RSL1D1: variants seen among roughly 807,000 people sequenced by gnomAD.
RSL1D1 encodes ribosomal L1 domain-containing protein 1.
RSL1D1 carries 34 observed loss-of-function variants against 44.6 expected under a neutral mutation model. The observed-to-expected ratio is 0.76, with a 90% confidence interval of 0.58 to 1.02. RSL1D1 has a LOEUF of 1.02. Ranked by LOEUF, RSL1D1 falls within the 50% of genes least tolerant of loss-of-function variation. The pLI, the probability that RSL1D1 is intolerant of heterozygous loss-of-function variation, is 0.00. For synonymous variants in RSL1D1, 271 were observed against 207.4 expected (o/e 1.31, Z -2.63); for missense variants, 767 against 568.1 (o/e 1.35, Z -3.56).
At chr16:11,843,083 G>T (rs1004749719) in intron 5 of RSL1D1, among the ~76,000 whole-genome samples, 2 of 150,466 alleles carry the variant, frequency 1.3e-5, no homozygotes, top group African/African-American at 4.9e-5. Flanking sequence ...CACCACGCCC[G>T]GCTAATTTTT....
chr16:11,837,522 TG>T lies in RSL1D1; in HGVS notation c.*264del, dbSNP rs1334783275. ...TCCACCACCATGCCCAATTAATTTT[TG>T]TATTTTTGGTACAGACAGGGTTTCA... On this transcript the variant is annotated 3_prime_UTR_variant, in exon 9 of 9. Transcript: ENST00000571133. The T allele has an allele frequency of 3.3e-6, 1 of 305,416 alleles. No homozygotes were observed. The highest frequency in any genetic ancestry group is 6.0e-6 in the Non-Finnish European group (1 of 165,400). The allele number at this position is 305,416 out of a possible 1,614,324, so 18.9% of individuals were successfully genotyped here.
intron 7 of RSL1D1, among the ~76,000 whole-genome samples, chr16:11,840,753 G>C (rs781545395): frequency 3.9e-5 from 6 of 152,110 alleles, no homozygotes; most frequent in Non-Finnish European, 8.8e-5. Context: ...CATAACCTCC[G>C]ACATCCAAAT....
In RSL1D1 at chr16:11,837,930, G is replaced by C. The variant is rs1246199677; in HGVS notation, c.1330C>G (p.Pro444Ala). 3.7e-6 allele frequency: 6 copies of C among 1,614,046 alleles called. No homozygotes were observed. The highest frequency in any genetic ancestry group is 1.1e-5 in the South Asian group (1 of 91,070). Residue 444 changes from proline to alanine, a missense_variant, in exon 9 of 9, where the codon CCT becomes GCT. Transcript: ENST00000571133. ...CTCGCATCTTTTTTCCCCAGCGAAG[G>C]ACTTTTTTCCTTCACTGCCTCTTCT... ...IKEEAVKEKSPSLGKKDARQT... is the reference protein window; with the variant it reads ...IKEEAVKEKSASLGKKDARQT...
chr16:11,847,644 G>C, intron 3 of RSL1D1, 24 bp downstream of exon 3: 1 of 1,583,370 alleles, frequency 6.3e-7, no homozygotes, highest in Non-Finnish European at 8.6e-7. Flanking sequence ...TAAATAACTT[G>C]AAAATATTAA....
chr16:11,843,383 A>C (rs1228417075), intron 5 of RSL1D1, among the ~76,000 whole-genome samples: 1 of 151,822 alleles, frequency 6.6e-6, no homozygotes, highest in Non-Finnish European at 1.5e-5. Context: ...GGCAGTGATT[A>C]AAGAGCTGGT....
At chr16:11,842,788 CT>C (rs1471191198) in intron 5 of RSL1D1, among the ~76,000 whole-genome samples, 1 of 147,592 alleles carries the variant, frequency 6.8e-6, no homozygotes, top group Non-Finnish European at 1.5e-5. Context: ...ATGGAGTTTG[CT>C]CTGTCGCCCA....
Position 11,839,925 on chromosome 16 carries a change from T to G in RSL1D1, c.916A>C (p.Arg306=). 1 of 1,613,340 alleles carries G rather than the reference T, an allele frequency of 6.2e-7. No individual in the cohort carries two copies. The highest frequency in any genetic ancestry group is 8.5e-7 in the Non-Finnish European group (1 of 1,179,698). ...GATGCAGTCTTCCTAGCCTGCTGCC[T>G]CTTCTTCTTCCTCTCCTTTTGTTTT... ...FEKQKERKKK[R]QQARKTASVL... is the part of the protein sequence containing the mutation. Residue 306 remains arginine, a synonymous_variant, in exon 8 of 9, where the codon AGG becomes CGG. Transcript: ENST00000571133.
intron 3 of RSL1D1, 73 bp from the exon 4 acceptor site, chr16:11,846,916 A>T (rs2053803108): frequency 7.8e-7 from 1 of 1,281,912 alleles, no homozygotes; most frequent in Admixed American, 2.0e-5. Flanking sequence ...TTAGGCAACA[A>T]TTTGGATTTG....
intron 5 of RSL1D1, among the ~76,000 whole-genome samples, chr16:11,844,639 G>A (rs919137792): frequency 1.3e-5 from 2 of 152,116 alleles, no homozygotes; most frequent in South Asian, 2.1e-4. Flanking sequence ...CACTCCCCTG[G>A]GGTCAGGCCT....
At chr16:11,843,334 G>T (rs1281756391) in intron 5 of RSL1D1, among the ~76,000 whole-genome samples, 2 of 151,838 alleles carry the variant, frequency 1.3e-5, no homozygotes, top group African/African-American at 4.8e-5. Context: ...GTCTCCCAAA[G>T]TGCTGGGATT....
chr16:11,846,189 G>C (rs919842860), intron 5 of RSL1D1, among the ~76,000 whole-genome samples: 2 of 151,448 alleles, frequency 1.3e-5, no homozygotes, highest in South Asian at 4.1e-4. Context: ...TCAGGAGATC[G>C]AGATCATCCT....
intron 2 of RSL1D1, among the ~76,000 whole-genome samples, chr16:11,849,076 G>A (rs960127538): frequency 1.1e-4 from 17 of 152,070 alleles, no homozygotes; most frequent in African/African-American, 3.9e-4. Flanking sequence ...ACCATGCCCA[G>A]CATAACATAA....
At chr16:11,845,722 CT>C (rs139021853) in intron 5 of RSL1D1, among the ~76,000 whole-genome samples, 17,304 of 146,918 alleles carry the variant, frequency 0.12, 1,246 homozygotes, top group East Asian at 0.22. Context: ...GAGAACTGAA[CT>C]TTTTTTTTTT....
intron 8 of RSL1D1, among the ~76,000 whole-genome samples, chr16:11,838,879 CT>C (rs2053741719): frequency 8.3e-6 from 1 of 121,088 alleles, no homozygotes; most frequent in African/African-American, 4.0e-5. Flanking sequence ...CAAAAAAAAA[CT>C]GTGAAGACCC....
At chr16:11,840,534 C>T (rs1163958520) in intron 7 of RSL1D1, among the ~76,000 whole-genome samples, 1 of 152,158 alleles carries the variant, frequency 6.6e-6, no homozygotes, top group Non-Finnish European at 1.5e-5. Context: ...TGCCACTGCA[C>T]TTCAGCCTGG....
At position 11,837,457 on chromosome 16, in the gene RSL1D1, TCTC is replaced by T. The variant is rs1272268843; in HGVS notation, c.*327_*329del. The T allele has an allele frequency of 5.4e-6, 1 of 185,760 alleles. No homozygotes were observed. The highest frequency in any genetic ancestry group is 1.1e-5 in the Non-Finnish European group (1 of 90,624). 11.5% of individuals were successfully genotyped at this position (185,760 alleles called of 1,614,324 possible). A position where few individuals can be genotyped will look rare whatever the true frequency, so the allele number is the denominator to read the frequency against. On this transcript the variant is annotated 3_prime_UTR_variant, in exon 9 of 9. Transcript: ENST00000571133. The stretch of plus-strand genomic sequence containing the variant: ...CCTCCGCCTCCCAGGTTCAAGCAAT[TCTC>T]CTGCCTCAGCCTCCCTAGTAGCTGG...
At position 11,851,495 on chromosome 16, in the gene RSL1D1, C is replaced by A. The variant is rs779356168; in HGVS notation, c.18G>T (p.Ser6=). The A allele has an allele frequency of 3.7e-6, 6 of 1,613,746 alleles. No homozygotes were observed. Among genetic ancestry groups the A allele is most frequent in the African/African-American group, 1.3e-5 (1 of 74,920 alleles). The change falls in exon 1 of 9, where the codon TCG becomes TCT. Residue 6 remains serine, a synonymous_variant. Coordinates refer to ENST00000571133, the MANE Select transcript of RSL1D1 (RefSeq NM_015659.3). ...TAGCGGCTGCAGAAGACAGCGAGGC[C>A]GAGGCCGAATCCTCCATCTTGTTTC... The part of the protein sequence containing the change: MEDSA[S]ASLSSAAATG...
chr16:11,845,448 A>G (rs955347810), intron 5 of RSL1D1, among the ~76,000 whole-genome samples: 1 of 152,226 alleles, frequency 6.6e-6, no homozygotes, highest in African/African-American at 2.4e-5. Flanking sequence ...ACAAGCTCAA[A>G]GCCTAGAACT....
Position 11,839,835 on chromosome 16 carries a change from T to C in RSL1D1, c.1006A>G (p.Lys336Glu), listed in dbSNP as rs1244350689. ...CCATGCTCTGGGGTCTGTTCCTTCT[T>C]TGATTCAGGTTTCTTCACTGTAGTA... Reference protein sequence around the residue: ...GDTTVKKPESKKEQTPEHGKK... With the variant: ...GDTTVKKPESEKEQTPEHGKK... The change falls in exon 8 of 9, where the codon AAG (lysine) becomes GAG (glutamate). Residue 336 changes from lysine to glutamate, a missense_variant. Coordinates refer to ENST00000571133, the MANE Select transcript of RSL1D1 (RefSeq NM_015659.3). 6.2e-7 allele frequency: 1 copy of C among 1,614,196 alleles called. No homozygotes were observed. Among genetic ancestry groups the C allele is most frequent in the Non-Finnish European group, 8.5e-7 (1 of 1,180,036 alleles).
Sources: allele counts gnomAD v4.1 joint callset (sites outside exome capture counted in the v4.1 genomes callset), GRCh38; gene constraint gnomAD v4.1.1; transcripts MANE v1.5; gene names NCBI Gene and HGNC (gene_info 2026-07-23, HGNC 2026-07-21).